GLIPR2: variants seen among roughly 807,000 people sequenced by gnomAD.
GLIPR2 encodes the protein Golgi-associated plant pathogenesis-related protein 1.
Under a neutral mutation model 20.4 loss-of-function variants are expected in GLIPR2, and 21 were observed. The observed-to-expected ratio is 1.03, with a 90% CI of 0.73 to 1.48. The LOEUF (loss-of-function observed/expected upper bound fraction) is 1.48, where lower values mean the gene tolerates loss of function less well. Among genes scored for constraint, GLIPR2 ranks in the 40% most tolerant of loss-of-function variants. The pLI is 0.00. For synonymous variants in GLIPR2, 91 were observed against 80.5 expected (o/e 1.13, Z -0.70); for missense variants, 205 against 200.1 (o/e 1.02, Z -0.15).
chr9:36,157,266 G>A (rs1214920597), intron 4 of GLIPR2, among the ~76,000 whole-genome samples: 1 of 148,976 alleles, frequency 6.7e-6, no homozygotes, highest in African/African-American at 2.5e-5. Flanking sequence ...CTGACCTCTT[G>A]ATCTGCCCAC....
At chr9:36,158,581 CAG>C (rs1825933501) in intron 4 of GLIPR2, among the ~76,000 whole-genome samples, 1 of 152,204 alleles carries the variant, frequency 6.6e-6, no homozygotes, top group African/African-American at 2.4e-5. Context: ...ATCAATAAAA[CAG>C]ATGTGGCACG....
At chr9:36,145,671 G>A (rs1012976345) in intron 1 of GLIPR2, among the ~76,000 whole-genome samples, 2 of 152,164 alleles carry the variant, frequency 1.3e-5, no homozygotes, top group Non-Finnish European at 2.9e-5. Context: ...GTGGATGGGT[G>A]GGTAGATGGA....
intron 4 of GLIPR2, among the ~76,000 whole-genome samples, chr9:36,152,614 A>G (rs7022040): frequency 0.32 from 47,707 of 150,828 alleles, 8,211 homozygotes; most frequent in African/African-American, 0.47. Flanking sequence ...GCTGGGCATG[A>G]TGGTGCATGC....
At chr9:36,162,045 T>G (rs768282904) in intron 4 of GLIPR2, among the ~76,000 whole-genome samples, 4 of 151,970 alleles carry the variant, frequency 2.6e-5, no homozygotes, top group Non-Finnish European at 4.4e-5. Flanking sequence ...CGTGGTGGCA[T>G]GCACCTGTAG....
intron 1 of GLIPR2, among the ~76,000 whole-genome samples, chr9:36,137,668 G>C (rs1824887201): frequency 6.6e-6 from 1 of 152,194 alleles, no homozygotes; most frequent in Non-Finnish European, 1.5e-5. Context: ...CCATAGACCT[G>C]TTTCCCACCG....
At chr9:36,152,035 G>A (rs533336555) in intron 4 of GLIPR2, among the ~76,000 whole-genome samples, 86 of 152,308 alleles carry the variant, frequency 5.6e-4, no homozygotes, top group African/African-American at 2.0e-3. Context: ...GCCAGTCACC[G>A]TTTCCTGTGG....
rs16933004 is a variant in GLIPR2 at position 36,159,316 on chromosome 9, C to T, written c.305-3046C>T. ...TTGGCTCAGAGCAGAAGGATTTGAA[C>T]GAGGCTGTAATGTGTCGAAGTCTCA... On this transcript the variant is annotated intron_variant, in intron 4 of 4. Transcript: ENST00000377960. Among the ~76,000 whole-genome samples the T allele has an allele frequency of 6.1e-3, 929 of 152,280 alleles. 8 individuals carry two copies. Among genetic ancestry groups the T allele is most frequent in the African/African-American group, 0.021 (859 of 41,540 alleles).
intron 4 of GLIPR2, among the ~76,000 whole-genome samples, chr9:36,160,726 T>C (rs976670121): frequency 2.0e-5 from 3 of 152,108 alleles, no homozygotes; most frequent in Non-Finnish European, 4.4e-5. Flanking sequence ...TAAATAGATA[T>C]GATTTATATC....
chr9:36,138,405 A>G (rs1005323123), intron 1 of GLIPR2, among the ~76,000 whole-genome samples: 1 of 152,014 alleles, frequency 6.6e-6, no homozygotes, highest in Admixed American at 6.6e-5. Flanking sequence ...TTGTATTTTT[A>G]GTAGAGACAG....
intron 4 of GLIPR2, among the ~76,000 whole-genome samples, chr9:36,161,982 C>T (rs1020181133): frequency 2.0e-5 from 3 of 152,000 alleles, no homozygotes; most frequent in Non-Finnish European, 4.4e-5. Flanking sequence ...GTCAGGAGTT[C>T]GAGACCATGG....
Position 36,163,041 on chromosome 9 carries a change from G to T in GLIPR2, c.*519G>T, listed in dbSNP as rs1485807643. ...CCATCAGGAACATGGAGCAGGCAGG[G>T]ACTCCATTTTACAGAATTACTGAGA... On this transcript the variant is annotated 3_prime_UTR_variant, in exon 5 of 5. Transcript: ENST00000377960. 5 of 370,346 alleles carry T rather than the reference G, an allele frequency of 1.4e-5. No homozygotes were observed. Among genetic ancestry groups the T allele is most frequent in the Non-Finnish European group, 2.6e-5 (5 of 189,802 alleles). The allele number at this position is 370,346 out of a possible 1,614,324, so 22.9% of individuals were successfully genotyped here.
chr9:36,161,437 G>A (rs903896395), intron 4 of GLIPR2, among the ~76,000 whole-genome samples: 1 of 151,382 alleles, frequency 6.6e-6, no homozygotes, highest in Admixed American at 6.6e-5. Flanking sequence ...ACAGAGCAGT[G>A]ATTTGAGCTG....
chr9:36,143,817 G>T (rs1413733481), intron 1 of GLIPR2, among the ~76,000 whole-genome samples: 1 of 152,100 alleles, frequency 6.6e-6, no homozygotes, highest in African/African-American at 2.4e-5. Context: ...AGCTCCTTTT[G>T]GTCGCCAGAA....
intron 1 of GLIPR2, among the ~76,000 whole-genome samples, chr9:36,140,997 G>A (rs924083681): frequency 6.6e-6 from 1 of 152,242 alleles, no homozygotes; most frequent in Non-Finnish European, 1.5e-5. Flanking sequence ...CAGGGCAGGA[G>A]GGGACCTGAC....
chr9:36,151,442 C>G (rs748849815), intron 4 of GLIPR2, among the ~76,000 whole-genome samples: 11 of 152,240 alleles, frequency 7.2e-5, no homozygotes, highest in Middle Eastern at 6.8e-3. Context: ...TTCCACACCC[C>G]ACACCCTTCC....
intron 2 of GLIPR2, 63 bp downstream of exon 2, chr9:36,147,957 G>A (rs901753058): frequency 2.4e-6 from 2 of 828,176 alleles, no homozygotes; most frequent in Non-Finnish European, 4.3e-6. Context: ...AGTCACAAAG[G>A]GGCCCTGTGG....
At chr9:36,162,260 G>C (rs1324222418) in intron 4 of GLIPR2, 102 bp from the exon 5 acceptor site, 2 of 1,603,540 alleles carry the variant, frequency 1.2e-6, no homozygotes, top group Non-Finnish European at 1.7e-6. Context: ...GCTGACCTGA[G>C]CCTGGCAAGA....
chr9:36,138,136 C>T (rs903649113), intron 1 of GLIPR2, among the ~76,000 whole-genome samples: 2 of 152,124 alleles, frequency 1.3e-5, no homozygotes, highest in South Asian at 2.1e-4. Flanking sequence ...CAGATGAGAG[C>T]GAGTCTTTCG....
chr9:36,155,700 G>A lies in GLIPR2; in HGVS notation c.304+4751G>A, dbSNP rs959464343. 3.9e-5 allele frequency among the ~76,000 whole-genome samples: 6 copies of A among 152,280 alleles called. No homozygotes were observed. In the East Asian group the frequency reaches 5.8e-4, roughly 15 times the overall value. On this transcript the variant is annotated intron_variant, in intron 4 of 4. Coordinates refer to ENST00000377960, the MANE Select transcript of GLIPR2 (RefSeq NM_022343.4). The stretch of plus-strand genomic sequence containing the variant: ...TACACAGGATGCAATGGGAAGGACC[G>A]ACTTTGTCTCTTCCCTAAAGAACTA...
Sources: gnomAD v4.1 joint callset for allele counts (sites outside exome capture counted in the v4.1 genomes callset) on GRCh38, gnomAD v4.1.1 for gene constraint, MANE v1.5 for transcripts, NCBI Gene and HGNC (gene_info 2026-07-23, HGNC 2026-07-21) for gene names.